FNIP1: variants seen among roughly 807,000 people sequenced by gnomAD.
FNIP1 encodes folliculin interacting protein 1.
In FNIP1, 40 loss-of-function variants were observed where a neutral mutation model predicts 124.5. That is an observed-to-expected ratio of 0.32 (90% CI 0.25 to 0.42). The LOEUF is 0.42. FNIP1 is among the 10% of genes least tolerant of loss of function. The pLI is 1.00. For synonymous variants in FNIP1, 472 were observed against 470.6 expected, an observed-to-expected ratio of 1.00 and a Z score of -0.04; for missense variants, 1,176 against 1,403.7, an observed-to-expected ratio of 0.84 and a Z score of 2.59.
At chr5:131,795,966 T>G (rs1025200036) in intron 1 of FNIP1, 3 of 152,206 alleles carry the variant, frequency 2.0e-5, no homozygotes, top group African/African-American at 7.2e-5. Context: ...TCTCCTCAGG[T>G]GCAGTTTAAC....
chr5:131,716,951 C>T (rs1769485971), intron 5 of FNIP1, among the ~76,000 whole-genome samples: 1 of 151,702 alleles, frequency 6.6e-6, no homozygotes, highest in African/African-American at 2.4e-5. Flanking sequence ...AACTACAACC[C>T]ATTGTCTGGC....
At chr5:131,718,611 T>C (rs1432351098) in intron 5 of FNIP1, among the ~76,000 whole-genome samples, 1 of 152,232 alleles carries the variant, frequency 6.6e-6, no homozygotes, top group Non-Finnish European at 1.5e-5. Flanking sequence ...ATGGCTGACC[T>C]AGGTCAGTCC....
intron 8 of FNIP1, among the ~76,000 whole-genome samples, chr5:131,708,800 A>G (rs1224183788): frequency 6.6e-6 from 1 of 152,162 alleles, no homozygotes; most frequent in East Asian, 1.9e-4. Flanking sequence ...AAAAAAAAAA[A>G]AAGTATAACA....
intron 10 of FNIP1, among the ~76,000 whole-genome samples, chr5:131,699,916 CAAAAAAA>C (rs3033727): frequency 7.3e-4 from 68 of 93,708 alleles, no homozygotes; most frequent in Admixed American, 4.7e-3. Context: ...AAGACTGTTT[CAAAAAAA>C]AAAAAAAAAA....
chr5:131,707,491 T>C (rs1425363584), intron 8 of FNIP1, among the ~76,000 whole-genome samples: 1 of 152,244 alleles, frequency 6.6e-6, no homozygotes, highest in Non-Finnish European at 1.5e-5. Flanking sequence ...TATGAAGATC[T>C]ATTCATTTGA....
At chr5:131,736,961 T>C (rs1023756558) in intron 2 of FNIP1, among the ~76,000 whole-genome samples, 1 of 152,222 alleles carries the variant, frequency 6.6e-6, no homozygotes, top group Non-Finnish European at 1.5e-5. Flanking sequence ...GCAACTTATT[T>C]GTGATTGTTT....
At chr5:131,682,963 A>G (rs1426359169) in intron 11 of FNIP1, among the ~76,000 whole-genome samples, 1 of 152,172 alleles carries the variant, frequency 6.6e-6, no homozygotes, top group Non-Finnish European at 1.5e-5. Flanking sequence ...ATAAAAATCT[A>G]AAGACTTCGT....
intron 11 of FNIP1, among the ~76,000 whole-genome samples, chr5:131,681,407 C>A (rs1451866476): frequency 1.3e-5 from 2 of 152,098 alleles, no homozygotes; most frequent in Non-Finnish European, 2.9e-5. Flanking sequence ...TTACCTCATT[C>A]TCAACTACAG....
intron 15 of FNIP1, among the ~76,000 whole-genome samples, chr5:131,656,713 T>C (rs2149507106): frequency 6.6e-6 from 1 of 152,198 alleles, no homozygotes; most frequent in Non-Finnish European, 1.5e-5. Context: ...GGACAAAAGG[T>C]ATCTGCCTGA....
At chr5:131,656,738 C>A (rs1452457512) in intron 15 of FNIP1, among the ~76,000 whole-genome samples, 1 of 151,946 alleles carries the variant, frequency 6.6e-6, no homozygotes, top group Non-Finnish European at 1.5e-5. Flanking sequence ...GTTTTTATTG[C>A]TGATGAAAGA....
intron 2 of FNIP1, among the ~76,000 whole-genome samples, chr5:131,738,778 T>C (rs961422480): frequency 1.3e-5 from 2 of 151,488 alleles, no homozygotes; most frequent in Non-Finnish European, 2.9e-5. Context: ...CCTCCCAAAG[T>C]GTGGGATTAC....
rs370074129 is a variant in FNIP1 at position 131,787,230 on chromosome 5, GC to G, written c.92+9599del. On this transcript the variant is annotated intron_variant, in intron 1 of 17. Transcript: ENST00000510461. ...AAACAGCACCGAGTTTAGGACTTTTGCTGAAAATCTTGGAGTACAGAGTCTT... is the reference window on the plus strand; with the variant it reads ...AAACAGCACCGAGTTTAGGACTTTTGTGAAAATCTTGGAGTACAGAGTCTT... 2.0e-4 allele frequency among the ~76,000 whole-genome samples: 31 copies of G among 152,292 alleles called. No homozygotes were observed. The East Asian group carries it at 5.8e-3, about 28-fold the overall frequency.
intron 15 of FNIP1, among the ~76,000 whole-genome samples, chr5:131,666,875 C>T (rs745421893): frequency 1.3e-5 from 2 of 151,996 alleles, no homozygotes; most frequent in East Asian, 1.9e-4. Context: ...CTGTGTTTGG[C>T]GATGGGTACA....
At chr5:131,733,994 C>A (rs567548544) in intron 2 of FNIP1, among the ~76,000 whole-genome samples, 1 of 152,104 alleles carries the variant, frequency 6.6e-6, no homozygotes, top group African/African-American at 2.4e-5. Context: ...TTAATTATTA[C>A]CTCAATTTCA....
intron 1 of FNIP1, among the ~76,000 whole-genome samples, chr5:131,769,066 T>A (rs1247247915): frequency 6.6e-6 from 1 of 152,074 alleles, no homozygotes; most frequent in Non-Finnish European, 1.5e-5. Context: ...AATATATATA[T>A]GGGATACAAA....
chr5:131,693,317 CACATATATATATATACAT>C (rs1561658260), intron 11 of FNIP1, among the ~76,000 whole-genome samples: 1,422 of 41,464 alleles, frequency 0.034, 46 homozygotes, highest in African/African-American at 0.12. Context: ...TATATATATA[CACATATATATATATACAT>C]ATATATATAT....
At chr5:131,714,769 T>C (rs1188365349) in intron 6 of FNIP1, among the ~76,000 whole-genome samples, 2 of 152,244 alleles carry the variant, frequency 1.3e-5, no homozygotes, top group African/African-American at 4.8e-5. Context: ...AATTGAGTGC[T>C]TCTCCTTATT....
rs1395914734 is a variant in FNIP1, at chr5:131,685,235, T to TA, written c.1203-6061dup. Among the ~76,000 whole-genome samples the TA allele has an allele frequency of 2.0e-5, 3 of 151,948 alleles. No homozygotes were observed. The East Asian group carries it at 5.8e-4, about 29-fold the overall frequency. ...TAGTAACCCCATTATACAACATATT[T>TA]AAAAAATATTTAAAAATATCAAGGT... On this transcript the variant is annotated intron_variant, in intron 11 of 17. Coordinates refer to ENST00000510461, the MANE Select transcript of FNIP1 (RefSeq NM_133372.3).
Position 131,661,525 on chromosome 5 carries a change from G to T in FNIP1, c.3108+8938C>A, listed in dbSNP as rs138133121. On this transcript the variant is annotated intron_variant, in intron 15 of 17. Coordinates refer to ENST00000510461, the MANE Select transcript of FNIP1 (RefSeq NM_133372.3). ...AAGTCAGTATTAGGTGCTGAGCAAA[G>T]TGACTAGTGTCTGTTTTGTTATGTG... Among the ~76,000 whole-genome samples the T allele has an allele frequency of 4.8e-3, 725 of 152,272 alleles. 5 individuals carry two copies. The highest frequency in any genetic ancestry group is 0.017 in the African/African-American group (688 of 41,550).
Sources: allele counts gnomAD v4.1 joint callset (sites outside exome capture counted in the v4.1 genomes callset), GRCh38; gene constraint gnomAD v4.1.1; transcripts MANE v1.5; gene names NCBI Gene and HGNC (gene_info 2026-07-23, HGNC 2026-07-21).